CAPS2: variants seen among roughly 807,000 people sequenced by gnomAD.
The protein encoded by CAPS2 is calcyphosin-2.
A neutral mutation model predicts 86.5 loss-of-function variants in CAPS2; 98 were observed. The observed-to-expected ratio is 1.13, with a 90% CI of 0.96 to 1.34. The LOEUF (loss-of-function observed/expected upper bound fraction) is 1.34. Among genes scored for constraint, CAPS2 ranks in the 40% most tolerant of loss-of-function variants. The probability of loss-of-function intolerance (pLI) is 0.00; values close to 1 mark genes in which losing one functional copy is unlikely to be tolerated. For missense variants in CAPS2, 729 were observed against 686.8 expected (o/e 1.06, Z -0.69); for synonymous variants, 210 against 225.1 (o/e 0.93, Z 0.60).
intron 1 of CAPS2, 49 bp downstream of exon 2, chr12:75,326,369 T>C: frequency 1.5e-6 from 1 of 687,192 alleles, no homozygotes; most frequent in South Asian, 2.2e-5. Flanking sequence ...GGTAAAAAAA[T>C]TATTTATAAG....
chr12:75,338,033 G>C (rs1313506447), intron 1 of CAPS2, among the ~76,000 whole-genome samples: 1 of 151,996 alleles, frequency 6.6e-6, no homozygotes, highest in Non-Finnish European at 1.5e-5. Flanking sequence ...AAATTCAGGT[G>C]AATTCTAAGA....
intron 1 of CAPS2, 56 bp downstream of exon 2, chr12:75,326,362 A>T (rs1459908577): frequency 3.0e-6 from 2 of 661,688 alleles, no homozygotes; most frequent in African/African-American, 3.7e-5. Flanking sequence ...AAGAAAAGGT[A>T]AAAAAATTAT....
chr12:75,390,009 TA>T (rs1161801172), intron 1 of CAPS2, among the ~76,000 whole-genome samples: 2 of 152,230 alleles, frequency 1.3e-5, no homozygotes, highest in Non-Finnish European at 2.9e-5. Flanking sequence ...AGACAATTTT[TA>T]AAAGCACTTT....
At chr12:75,358,682 TTG>T (rs929087739) in intron 1 of CAPS2, among the ~76,000 whole-genome samples, 1 of 147,756 alleles carries the variant, frequency 6.8e-6, no homozygotes, top group African/African-American at 2.5e-5. Context: ...TGTTACATAT[TTG>T]TGTTTCTTTT....
chr12:75,387,496 G>T (rs971804170), intron 1 of CAPS2, among the ~76,000 whole-genome samples: 1 of 152,152 alleles, frequency 6.6e-6, no homozygotes, highest in African/African-American at 2.4e-5. Flanking sequence ...ACATAGTTTA[G>T]CAGTTTCTTA....
chr12:75,385,946 A>G (rs2045268241), intron 1 of CAPS2, among the ~76,000 whole-genome samples: 1 of 152,246 alleles, frequency 6.6e-6, no homozygotes, highest in African/African-American at 2.4e-5. Flanking sequence ...AATAAATCAA[A>G]GAACTGAATA....
chr12:75,376,883 G>A (rs1202104361), intron 1 of CAPS2, among the ~76,000 whole-genome samples: 1 of 152,136 alleles, frequency 6.6e-6, no homozygotes, highest in Non-Finnish European at 1.5e-5. Flanking sequence ...GGCAATCTTA[G>A]ACGATCTGAG....
chr12:75,334,499 G>A, upstream of CAPS2: 1 of 1,323,972 alleles, frequency 7.6e-7, no homozygotes, highest in Non-Finnish European at 9.6e-7. Context: ...TCCACCAGAG[G>A]GCGACTCAGA....
chr12:75,390,314 G>A (rs1192905022), intron 1 of CAPS2: 1 of 456,222 alleles, frequency 2.2e-6, no homozygotes. Context: ...AAAAGAGTTC[G>A]TTCTTACTGT....
intron 14 of CAPS2, 54 bp downstream of exon 14, chr12:75,289,567 T>C: frequency 1.4e-6 from 2 of 1,479,768 alleles, no homozygotes; most frequent in South Asian, 1.3e-5. Context: ...CAGTGAATAA[T>C]GCCACCTAAG....
At chr12:75,377,725 CAG>C (rs1451334067) in intron 1 of CAPS2, among the ~76,000 whole-genome samples, 4 of 152,052 alleles carry the variant, frequency 2.6e-5, no homozygotes, top group Admixed American at 2.0e-4. Flanking sequence ...CTGCCTCTCC[CAG>C]TCCACTGACT....
chr12:75,321,060 C>G (rs985839363), intron 5 of CAPS2, among the ~76,000 whole-genome samples: 2 of 151,878 alleles, frequency 1.3e-5, no homozygotes, highest in African/African-American at 4.8e-5. Flanking sequence ...ACTGTCAGAC[C>G]AACTGAGTTC....
exon 14 of CAPS2, chr12:75,289,739 C>A (rs199654216): frequency 2.5e-6 from 4 of 1,612,420 alleles, no homozygotes; most frequent in Non-Finnish European, 3.4e-6. Context: ...AGTCAAAATA[C>A]GAACACCTCT....
chr12:75,330,235 C>T (rs1421570611), upstream of CAPS2, among the ~76,000 whole-genome samples: 1 of 152,220 alleles, frequency 6.6e-6, no homozygotes, highest in African/African-American at 2.4e-5. Flanking sequence ...GGCCGGAGAC[C>T]CCGCCACGCT....
chr12:75,338,878 T>G (rs1366507806), intron 1 of CAPS2, among the ~76,000 whole-genome samples: 1 of 152,220 alleles, frequency 6.6e-6, no homozygotes, highest in Admixed American at 6.5e-5. Flanking sequence ...TGCATTAGTT[T>G]GCTGAGGATA....
At chr12:75,359,428 T>C (rs2043413926) in intron 1 of CAPS2, among the ~76,000 whole-genome samples, 1 of 130,244 alleles carries the variant, frequency 7.7e-6, no homozygotes, top group Admixed American at 9.4e-5. Flanking sequence ...CCAGTAAAAA[T>C]TCCACCAGGA....
In CAPS2 at chr12:75,299,830, C is replaced by T. The variant is rs752529603; in HGVS notation, c.854+7G>A. On this transcript the variant is annotated splice_region_variant and intron_variant, in intron 9 of 16. Transcript: ENST00000393284. ...AGGATTAAAAATTTTAATAAAATCA[C>T]AATTACCGTGATACGATCCTACCAT... 2 of 1,424,494 alleles carry T rather than the reference C, an allele frequency of 1.4e-6. No homozygotes were observed. Among genetic ancestry groups the T allele is most frequent in the African/African-American group, 1.5e-5 (1 of 68,916 alleles). 88.2% of individuals were successfully genotyped at this position (1,424,494 alleles called of 1,614,324 possible). A position where few individuals can be genotyped will look rare whatever the true frequency, so the allele number is the denominator to read the frequency against.
At chr12:75,280,300 T>C (rs913553404) in intron 16 of CAPS2, among the ~76,000 whole-genome samples, 2 of 152,006 alleles carry the variant, frequency 1.3e-5, no homozygotes, top group South Asian at 4.1e-4. Flanking sequence ...TGTGAATAGA[T>C]TATAATTTGC....
chr12:75,333,467 T>C (rs1386753593), upstream of CAPS2, among the ~76,000 whole-genome samples: 1 of 152,132 alleles, frequency 6.6e-6, no homozygotes, highest in Non-Finnish European at 1.5e-5. Context: ...CACACACGTA[T>C]ATATGTTCAT....
Sources: allele counts gnomAD v4.1 joint callset (sites outside exome capture counted in the v4.1 genomes callset), GRCh38; gene constraint gnomAD v4.1.1; transcripts MANE v1.5; gene names NCBI Gene and HGNC (gene_info 2026-07-23, HGNC 2026-07-21).